Variants in CDH13 observed in about 807,000 individuals in gnomAD.
The protein encoded by CDH13 is cadherin 13, also known as cadherin-13.
CDH13 carries 24 observed loss-of-function variants against 63.8 expected under a neutral mutation model. The ratio of observed to expected loss-of-function variants is 0.38; its 90% CI spans 0.27 to 0.53. The LOEUF (loss-of-function observed/expected upper bound fraction) is 0.53, where lower values mean the gene tolerates loss of function less well. Among genes scored for constraint, CDH13 ranks in the 20% least tolerant of loss-of-function variants. CDH13 has a pLI of 0.85. For missense variants in CDH13, 1,049 were observed against 903.1 expected (o/e 1.16, Z -2.07); for synonymous variants, 503 against 355.3 (o/e 1.42, Z -4.67).
intron 3 of CDH13, among the ~76,000 whole-genome samples, chr16:83,093,216 A>G (rs2034006488): frequency 7.1e-6 from 1 of 139,980 alleles, no homozygotes; most frequent in Non-Finnish European, 1.5e-5. Flanking sequence ...TTCTTACATT[A>G]TTGAAATAAT....
chr16:82,695,338 C>G (rs966431206), intron 1 of CDH13, among the ~76,000 whole-genome samples: 10 of 152,206 alleles, frequency 6.6e-5, no homozygotes, highest in Admixed American at 3.3e-4. Flanking sequence ...CAATTTGCTT[C>G]TAATTCTGGA....
intron 1 of CDH13, among the ~76,000 whole-genome samples, chr16:82,750,741 C>T (rs150502256): frequency 3.2e-4 from 49 of 152,076 alleles, no homozygotes; most frequent in African/African-American, 1.2e-3. Flanking sequence ...CCACCTGGAG[C>T]TTATTAAGAT....
chr16:83,035,850 A>T (rs935609226), intron 3 of CDH13, among the ~76,000 whole-genome samples: 1 of 152,176 alleles, frequency 6.6e-6, no homozygotes, highest in Non-Finnish European at 1.5e-5. Flanking sequence ...ATTCAATGAG[A>T]CGATACATGT....
intron 2 of CDH13, among the ~76,000 whole-genome samples, chr16:82,967,801 T>G (rs985496325): frequency 1.3e-5 from 2 of 152,230 alleles, no homozygotes; most frequent in African/African-American, 4.8e-5. Context: ...GACATTAACT[T>G]GGACCACTTA....
chr16:83,214,717 C>T (rs1406509603), intron 4 of CDH13, among the ~76,000 whole-genome samples: 3 of 151,714 alleles, frequency 2.0e-5, no homozygotes, highest in Non-Finnish European at 2.9e-5. Flanking sequence ...ATTAACTGAG[C>T]TCCTTCTGTG....
chr16:83,564,407 T>G (rs2075757709), intron 7 of CDH13, among the ~76,000 whole-genome samples: 2 of 7,614 alleles, frequency 2.6e-4, no homozygotes, highest in African/African-American at 1.1e-3. Flanking sequence ...TCTTTTTTTT[T>G]TTTTTTTTGT....
At chr16:83,068,793 C>G (rs1320212230) in intron 3 of CDH13, among the ~76,000 whole-genome samples, 2 of 152,196 alleles carry the variant, frequency 1.3e-5, no homozygotes, top group African/African-American at 4.8e-5. Flanking sequence ...AGTGCAAGGG[C>G]TGTGGACACC....
At chr16:82,694,648 T>C (rs1567635553) in intron 1 of CDH13, among the ~76,000 whole-genome samples, 1 of 152,204 alleles carries the variant, frequency 6.6e-6, no homozygotes, top group Non-Finnish European at 1.5e-5. Flanking sequence ...ATGCTTCATG[T>C]TACCAAAATA....
intron 2 of CDH13, among the ~76,000 whole-genome samples, chr16:83,008,896 A>G (rs1218598003): frequency 6.6e-6 from 1 of 152,214 alleles, no homozygotes; most frequent in African/African-American, 2.4e-5. Context: ...GTCTCAGGAA[A>G]GGTAGAATTA....
intron 5 of CDH13, among the ~76,000 whole-genome samples, chr16:83,283,669 C>T (rs1036372377): frequency 6.6e-6 from 1 of 152,132 alleles, no homozygotes; most frequent in African/African-American, 2.4e-5. Flanking sequence ...AGTGTTCTTA[C>T]AGTGGTGCCT....
intron 1 of CDH13, among the ~76,000 whole-genome samples, chr16:82,711,575 C>T (rs2031948350): frequency 6.6e-6 from 1 of 152,120 alleles, no homozygotes; most frequent in Non-Finnish European, 1.5e-5. Context: ...CAACATAGAC[C>T]TACCTTCTTA....
At chr16:83,180,953 A>G in intron 4 of CDH13, 14 of 1,532,590 alleles carry the variant, frequency 9.1e-6, no homozygotes, top group South Asian at 1.2e-5. Context: ...CAATTTTAGC[A>G]ATTTAATGAA....
intron 1 of CDH13, among the ~76,000 whole-genome samples, chr16:82,850,757 C>T (rs1233901257): frequency 2.0e-5 from 3 of 152,220 alleles, no homozygotes; most frequent in Non-Finnish European, 4.4e-5. Context: ...CCACCCTCAT[C>T]ACTCAGCAGC....
intron 10 of CDH13, among the ~76,000 whole-genome samples, chr16:83,708,732 G>A (rs2150920437): frequency 6.6e-6 from 1 of 152,300 alleles, no homozygotes; most frequent in South Asian, 2.1e-4. Context: ...GTCCTTATAA[G>A]AAGGAGGCAG....
At chr16:83,168,761 T>C (rs1231348467) in intron 4 of CDH13, among the ~76,000 whole-genome samples, 2 of 152,190 alleles carry the variant, frequency 1.3e-5, no homozygotes, top group East Asian at 3.8e-4. Flanking sequence ...ATATGTAAGA[T>C]TAAACTATAT....
At chr16:83,200,187 A>G (rs1165239942) in intron 4 of CDH13, among the ~76,000 whole-genome samples, 1 of 152,138 alleles carries the variant, frequency 6.6e-6, no homozygotes, top group Non-Finnish European at 1.5e-5. Context: ...ACGCCTTAAC[A>G]GGATGAGGGT....
At chr16:83,307,605 G>C (rs2089909187) in intron 5 of CDH13, among the ~76,000 whole-genome samples, 1 of 152,138 alleles carries the variant, frequency 6.6e-6, no homozygotes, top group Admixed American at 6.5e-5. Context: ...GTTATGTTTG[G>C]TTACAAAGTA....
chr16:83,479,105 T>C (rs974194844), intron 6 of CDH13, among the ~76,000 whole-genome samples: 1 of 152,228 alleles, frequency 6.6e-6, no homozygotes, highest in African/African-American at 2.4e-5. Flanking sequence ...TACTCAAGAA[T>C]GTCCACAAGA....
chr16:82,630,069 C>T (rs1907823025), intron 1 of CDH13, among the ~76,000 whole-genome samples: 1 of 152,162 alleles, frequency 6.6e-6, no homozygotes, highest in African/African-American at 2.4e-5. Flanking sequence ...GTGGGGAGTT[C>T]TCTCTAGGGG....
Sources: allele counts gnomAD v4.1 joint callset (sites outside exome capture counted in the v4.1 genomes callset), GRCh38; gene constraint gnomAD v4.1.1; transcripts MANE v1.5; gene names NCBI Gene and HGNC (gene_info 2026-07-23, HGNC 2026-07-21).